The following JDP2 variants were observed in gnomAD, a reference collection of about 807,000 sequenced individuals.
The protein encoded by JDP2 is Jun dimerization protein 2, also known as progesterone receptor co-activator.
A neutral mutation model predicts 17.1 loss-of-function variants in JDP2; 9 were observed. The observed-to-expected ratio is 0.53, with a 90% CI of 0.32 to 0.92. The LOEUF is 0.92. JDP2 is among the 40% of genes least tolerant of loss of function. JDP2 has a pLI of 0.04. For synonymous variants in JDP2, 107 were observed against 95.6 expected, an observed-to-expected ratio of 1.12 and a Z score of -0.69; for missense variants, 179 against 220.0, an observed-to-expected ratio of 0.81 and a Z score of 1.18.
intron 1 of JDP2, among the ~76,000 whole-genome samples, chr14:75,436,334 A>G (rs149802402): frequency 3.9e-4 from 59 of 152,350 alleles, no homozygotes; most frequent in African/African-American, 1.3e-3. Flanking sequence ...TAACTGCCCA[A>G]CGGAGAAGTA....
chr14:75,451,428 G>A (rs911645902), intron 2 of JDP2, among the ~76,000 whole-genome samples: 6 of 152,170 alleles, frequency 3.9e-5, no homozygotes, highest in African/African-American at 1.4e-4. Context: ...CAGGTAGTGA[G>A]CCCTCAGGGA....
rs371159236 is a variant in JDP2, at chr14:75,434,834, G to A, written c.-23-3064G>A. Among the ~76,000 whole-genome samples the A allele has an allele frequency of 5.3e-4, 80 of 152,270 alleles. No individual in the cohort carries two copies. In the South Asian group the frequency reaches 8.3e-3, roughly 16 times the overall value. On this transcript the variant is annotated intron_variant, in intron 1 of 3. Coordinates refer to ENST00000651602, the MANE Select transcript of JDP2 (RefSeq NM_001135048.2). ...AGGTGAAATTACAGCCTGATAACGAGCATCTAAGCTTCCAGAGATGGATTC... is the reference window on the plus strand; with the variant it reads ...AGGTGAAATTACAGCCTGATAACGAACATCTAAGCTTCCAGAGATGGATTC...
rs920531665 is a variant in JDP2, at chr14:75,445,277, T to C, written c.201+7156T>C. 13 of 985,390 alleles carry C rather than the reference T, an allele frequency of 1.3e-5. No homozygotes were observed. In the African/African-American group the frequency reaches 1.9e-4, roughly 15 times the overall value. The allele number at this position is 985,390 out of a possible 1,614,324, so 61.0% of individuals were successfully genotyped here. ...AACTCATGGATGGATTCAGGCGGGATGTGAAAGTGCTGGGAGTGAGGGCCT... is the reference window on the plus strand; with the variant it reads ...AACTCATGGATGGATTCAGGCGGGACGTGAAAGTGCTGGGAGTGAGGGCCT... On this transcript the variant is annotated intron_variant, in intron 2 of 3. Transcript: ENST00000651602.
intron 3 of JDP2, among the ~76,000 whole-genome samples, chr14:75,465,323 T>C (rs1242301895): frequency 6.6e-6 from 1 of 151,938 alleles, no homozygotes; most frequent in Non-Finnish European, 1.5e-5. Flanking sequence ...ATTCAGATGG[T>C]CTTTTGTTGT....
In JDP2 at chr14:75,446,411, A is replaced by G. The variant is rs796571323; in HGVS notation, c.201+8290A>G. Among the ~76,000 whole-genome samples the G allele has an allele frequency of 1.1e-4, 17 of 152,358 alleles. 1 individual carries two copies. The highest frequency in any genetic ancestry group is 4.1e-4 in the African/African-American group (17 of 41,576). ...CAAAGTGGAAGCAGCTCAAATGTCCATGAATTGGTGCATGAATAAATAAAA... is the reference window on the plus strand; with the variant it reads ...CAAAGTGGAAGCAGCTCAAATGTCCGTGAATTGGTGCATGAATAAATAAAA... On this transcript the variant is annotated intron_variant, in intron 2 of 3. Transcript: ENST00000651602.
chr14:75,431,125 G>A (rs962481428), intron 1 of JDP2, among the ~76,000 whole-genome samples: 8 of 152,234 alleles, frequency 5.3e-5, no homozygotes, highest in Admixed American at 2.0e-4. Flanking sequence ...CAGCCACCAA[G>A]GACCAGAGCT....
intron 2 of JDP2, among the ~76,000 whole-genome samples, chr14:75,448,645 A>G (rs1314338544): frequency 6.6e-6 from 1 of 152,222 alleles, no homozygotes; most frequent in Non-Finnish European, 1.5e-5. Context: ...AGTTATTTCC[A>G]TGTCTTGAGA....
intron 1 of JDP2, among the ~76,000 whole-genome samples, chr14:75,436,926 G>C (rs891428608): frequency 1.3e-5 from 2 of 152,196 alleles, no homozygotes; most frequent in African/African-American, 4.8e-5. Flanking sequence ...GGGCGCAGTG[G>C]CTCACGCCTA....
chr14:75,436,840 C>T (rs1885085277), intron 1 of JDP2, among the ~76,000 whole-genome samples: 2 of 152,222 alleles, frequency 1.3e-5, no homozygotes, highest in Non-Finnish European at 2.9e-5. Flanking sequence ...AATCTGTCTT[C>T]CCTTGTACAC....
In JDP2 at chr14:75,470,746, A is replaced by G. The variant is rs1164411745; in HGVS notation, c.*1271A>G. ...TAAGTCTTGCCCTTGTGGGGCCTCC[A>G]GTAAGGAGTGAATCCTGTGCTTGCT... On this transcript the variant is annotated 3_prime_UTR_variant, in exon 4 of 4. Coordinates refer to ENST00000651602, the MANE Select transcript of JDP2 (RefSeq NM_001135048.2). The G allele has an allele frequency of 6.6e-6, 1 of 152,264 alleles. No homozygotes were observed. Among genetic ancestry groups the G allele is most frequent in the East Asian group, 1.9e-4 (1 of 5,200 alleles). The allele number at this position is 152,264 out of a possible 1,614,324, so 9.4% of individuals were successfully genotyped here.
In JDP2 at chr14:75,470,509, T is replaced by C. The variant is rs997282563; in HGVS notation, c.*1034T>C. The C allele has an allele frequency of 1.3e-5, 2 of 152,288 alleles. No individual in the cohort carries two copies. The highest frequency in any genetic ancestry group is 2.9e-5 in the Non-Finnish European group (2 of 68,048). The allele number at this position is 152,288 out of a possible 1,614,324, so 9.4% of individuals were successfully genotyped here. ...GAATGGGTGCAAGGCCCTCTCAGGGTCGGAGACTGTTTGGAGCCTCTGCTA... is the reference window on the plus strand; with the variant it reads ...GAATGGGTGCAAGGCCCTCTCAGGGCCGGAGACTGTTTGGAGCCTCTGCTA... On this transcript the variant is annotated 3_prime_UTR_variant, in exon 4 of 4. Coordinates refer to ENST00000651602, the MANE Select transcript of JDP2 (RefSeq NM_001135048.2).
At chr14:75,464,675 A>G (rs892436963) in intron 3 of JDP2, among the ~76,000 whole-genome samples, 1 of 148,968 alleles carries the variant, frequency 6.7e-6, no homozygotes, top group South Asian at 2.1e-4. Context: ...CCACCGTCCC[A>G]CCCTTGACCC....
At chr14:75,450,127 A>G (rs541484666) in intron 2 of JDP2, among the ~76,000 whole-genome samples, 34 of 152,332 alleles carry the variant, frequency 2.2e-4, no homozygotes, top group African/African-American at 7.0e-4. Flanking sequence ...GACATGCTGC[A>G]TCTGGCTGAG....
At chr14:75,451,889 CT>C (rs1309382603) in intron 2 of JDP2, among the ~76,000 whole-genome samples, 1 of 152,226 alleles carries the variant, frequency 6.6e-6, no homozygotes, top group Non-Finnish European at 1.5e-5. Flanking sequence ...CCAAGAGCCC[CT>C]GGCACTAAGC....
rs1886827197 is a variant in JDP2, at chr14:75,472,125, T to C, written c.*2650T>C. 1 of 152,236 alleles carries C rather than the reference T, an allele frequency of 6.6e-6. No individual in the cohort carries two copies. The highest frequency in any genetic ancestry group is 2.4e-5 in the African/African-American group (1 of 41,458). 9.4% of individuals were successfully genotyped at this position (152,236 alleles called of 1,614,324 possible). A position where few individuals can be genotyped will look rare whatever the true frequency, so the allele number is the denominator to read the frequency against. ...CTCCTGTGGCTAGAAGTCACAATTA[T>C]AGGCTTCATTGCAAGAGCCAGCATT... On this transcript the variant is annotated 3_prime_UTR_variant, in exon 4 of 4. Transcript: ENST00000651602.
chr14:75,438,902 C>T (rs915517814), intron 2 of JDP2, among the ~76,000 whole-genome samples: 3 of 152,260 alleles, frequency 2.0e-5, no homozygotes, highest in Admixed American at 1.3e-4. Context: ...CTCTGAAGGC[C>T]TGTCCCAGCA....
At chr14:75,456,217 C>A (rs142228835) in intron 2 of JDP2, among the ~76,000 whole-genome samples, 33 of 152,346 alleles carry the variant, frequency 2.2e-4, no homozygotes, top group African/African-American at 7.9e-4. Context: ...ACCAAGACAG[C>A]GTCTTTCTCT....
intron 2 of JDP2, among the ~76,000 whole-genome samples, chr14:75,440,988 G>A (rs1360754698): frequency 6.6e-6 from 1 of 152,210 alleles, no homozygotes; most frequent in East Asian, 1.9e-4. Flanking sequence ...CCCCTTCCAG[G>A]CTTCTAACCA....
chr14:75,436,850 C>A (rs1482979292), intron 1 of JDP2, among the ~76,000 whole-genome samples: 1 of 152,218 alleles, frequency 6.6e-6, no homozygotes, highest in East Asian at 1.9e-4. Flanking sequence ...CCCTTGTACA[C>A]CTTTTTGGTT....
Sources: gnomAD v4.1 joint callset for allele counts (sites outside exome capture counted in the v4.1 genomes callset) on GRCh38, gnomAD v4.1.1 for gene constraint, MANE v1.5 for transcripts, NCBI Gene and HGNC (gene_info 2026-07-23, HGNC 2026-07-21) for gene names.